Variants in ERBB4 observed in about 807,000 individuals in gnomAD.
ERBB4 encodes the protein receptor tyrosine-protein kinase erbB-4.
ERBB4 carries 42 observed loss-of-function variants against 158.0 expected under a neutral mutation model. That is an observed-to-expected ratio of 0.27 (90% confidence interval 0.21 to 0.34). The LOEUF is 0.34. Ranked by LOEUF, ERBB4 falls within the 10% of genes least tolerant of loss-of-function variation. ERBB4 has a pLI of 1.00. For missense variants in ERBB4, 1,333 were observed against 1,624.1 expected (o/e 0.82, Z 3.08); for synonymous variants, 583 against 558.7 (o/e 1.04, Z -0.61).
intron 16 of ERBB4, among the ~76,000 whole-genome samples, chr2:211,645,024 C>G (rs2070735247): frequency 6.6e-6 from 1 of 151,788 alleles, no homozygotes; most frequent in South Asian, 2.1e-4. Flanking sequence ...CTAAATTCAC[C>G]CTCTGGCACT....
intron 1 of ERBB4, among the ~76,000 whole-genome samples, chr2:212,212,794 C>T (rs750279628): frequency 6.6e-6 from 1 of 151,964 alleles, no homozygotes; most frequent in Non-Finnish European, 1.5e-5. Context: ...CTTCAACAAA[C>T]CTGACAAAAA....
intron 1 of ERBB4, among the ~76,000 whole-genome samples, chr2:212,275,370 C>T (rs935462146): frequency 2.0e-5 from 3 of 151,976 alleles, no homozygotes; most frequent in Admixed American, 2.0e-4. Flanking sequence ...AATGGTTGAA[C>T]TCATTTAGAC....
intron 15 of ERBB4, among the ~76,000 whole-genome samples, chr2:211,658,651 C>A (rs1302523743): frequency 6.6e-6 from 1 of 151,996 alleles, no homozygotes. Context: ...AATAGCAATG[C>A]CATAACAGGT....
At chr2:212,446,248 G>A (rs939723336) in intron 1 of ERBB4, among the ~76,000 whole-genome samples, 3 of 151,966 alleles carry the variant, frequency 2.0e-5, no homozygotes, top group Non-Finnish European at 2.9e-5. Context: ...AGGATACAAA[G>A]TGTTGATCTA....
intron 1 of ERBB4, among the ~76,000 whole-genome samples, chr2:212,275,996 T>C (rs1485434044): frequency 2.0e-5 from 3 of 151,812 alleles, no homozygotes; most frequent in East Asian, 3.9e-4. Context: ...ACTTTGTTTC[T>C]AATATATTTA....
At chr2:211,800,901 G>A (rs2076485641) in intron 3 of ERBB4, among the ~76,000 whole-genome samples, 2 of 152,064 alleles carry the variant, frequency 1.3e-5, no homozygotes, top group South Asian at 2.1e-4. Flanking sequence ...AGTACTGTGG[G>A]AACTCTATGC....
chr2:211,777,920 T>C (rs2075925995), intron 4 of ERBB4: 1 of 152,214 alleles, frequency 6.6e-6, no homozygotes. Context: ...AAATGACACT[T>C]AATTTCTGTA....
intron 1 of ERBB4, among the ~76,000 whole-genome samples, chr2:212,194,129 T>C (rs1030365669): frequency 6.6e-6 from 1 of 151,920 alleles, no homozygotes; most frequent in African/African-American, 2.4e-5. Context: ...TTTATAGTCA[T>C]GCAAAGCAAT....
chr2:212,111,005 T>A (rs73071204), intron 2 of ERBB4, among the ~76,000 whole-genome samples: 1 of 152,190 alleles, frequency 6.6e-6, no homozygotes, highest in East Asian at 1.9e-4. Context: ...CTTACCTTAC[T>A]TGGGATGCAA....
chr2:211,773,634 ATATATATATATAT>A (rs1559506382), intron 4 of ERBB4, among the ~76,000 whole-genome samples: 18 of 84,262 alleles, frequency 2.1e-4, no homozygotes, highest in African/African-American at 9.9e-4. Context: ...ATATATATAT[ATATATATATATAT>A]AATATATATA....
chr2:211,768,247 C>T (rs1041417795), intron 4 of ERBB4, among the ~76,000 whole-genome samples: 2 of 152,166 alleles, frequency 1.3e-5, no homozygotes, highest in African/African-American at 4.8e-5. Flanking sequence ...CAGCTCTGCC[C>T]CTGTGGCTCT....
At chr2:211,883,591 A>T (rs1158796933) in intron 3 of ERBB4, among the ~76,000 whole-genome samples, 1 of 152,124 alleles carries the variant, frequency 6.6e-6, no homozygotes, top group East Asian at 1.9e-4. Context: ...CAGCCTGGCC[A>T]ACACGGTTGG....
intron 20 of ERBB4, among the ~76,000 whole-genome samples, chr2:211,451,347 G>C (rs2064242399): frequency 6.6e-6 from 1 of 152,188 alleles, no homozygotes; most frequent in African/African-American, 2.4e-5. Context: ...CTGAATAGTA[G>C]TTTGGACAGG....
intron 3 of ERBB4, among the ~76,000 whole-genome samples, chr2:211,911,754 G>C (rs1182018054): frequency 6.6e-6 from 1 of 151,508 alleles, no homozygotes; most frequent in East Asian, 1.9e-4. Context: ...CTGGGGGTTG[G>C]AGAAAATGGG....
chr2:211,749,678 A>T (rs1027081554), intron 5 of ERBB4, among the ~76,000 whole-genome samples: 1 of 152,164 alleles, frequency 6.6e-6, no homozygotes, highest in Non-Finnish European at 1.5e-5. Context: ...ATCCTTTTAT[A>T]TCTCTTTATT....
intron 14 of ERBB4, among the ~76,000 whole-genome samples, chr2:211,666,254 T>C (rs1370487661): frequency 6.6e-6 from 1 of 152,092 alleles, no homozygotes; most frequent in Non-Finnish European, 1.5e-5. Context: ...CACATTTTGA[T>C]GAGCAAAATA....
intron 1 of ERBB4, among the ~76,000 whole-genome samples, chr2:212,230,550 C>A (rs2083627524): frequency 6.6e-6 from 1 of 152,146 alleles, no homozygotes; most frequent in Non-Finnish European, 1.5e-5. Context: ...GAAGTAATTA[C>A]TGTTTTAAAA....
In ERBB4 at chr2:211,379,062, G is replaced by A. The variant is rs1360003976; in HGVS notation, c.*4553C>T. ...TCATTCTAATAACTAAAGTCCAAAAGAATGGCAATGCAATAGTTTGAAACG... is the reference window on the plus strand; with the variant it reads ...TCATTCTAATAACTAAAGTCCAAAAAAATGGCAATGCAATAGTTTGAAACG... On this transcript the variant is annotated 3_prime_UTR_variant, in exon 28 of 28. Coordinates refer to ENST00000342788, the MANE Select transcript of ERBB4 (RefSeq NM_005235.3). 8.6e-6 allele frequency: 2 copies of A among 231,396 alleles called. No individual in the cohort carries two copies. Among genetic ancestry groups the A allele is most frequent in the Non-Finnish European group, 1.7e-5 (2 of 116,968 alleles). 14.3% of individuals were successfully genotyped at this position (231,396 alleles called of 1,614,324 possible).
At chr2:211,934,576 C>CA (rs1181272503) in intron 3 of ERBB4, among the ~76,000 whole-genome samples, 1 of 151,782 alleles carries the variant, frequency 6.6e-6, no homozygotes. Flanking sequence ...ACCTCATCCA[C>CA]AAAAAATTCT....
Sources: allele counts gnomAD v4.1 joint callset (sites outside exome capture counted in the v4.1 genomes callset), GRCh38; gene constraint gnomAD v4.1.1; transcripts MANE v1.5; gene names NCBI Gene and HGNC (gene_info 2026-07-23, HGNC 2026-07-21).